Variants in BABAM2 observed in about 807,000 individuals in gnomAD.
BABAM2 encodes BRISC and BRCA1 A complex member 2, also known as BRISC and BRCA1-A complex member 2.
Under a neutral mutation model 54.7 loss-of-function variants are expected in BABAM2, and 31 were observed. The ratio of observed to expected loss-of-function variants is 0.57; its 90% CI spans 0.43 to 0.77. The LOEUF (loss-of-function observed/expected upper bound fraction) is 0.77. BABAM2 is among the 30% of genes least tolerant of loss of function. The pLI, the probability that BABAM2 is intolerant of heterozygous loss-of-function variation, is 0.00. For synonymous variants in BABAM2, 167 were observed against 162.9 expected (o/e 1.03, Z -0.19); for missense variants, 364 against 455.8 (o/e 0.80, Z 1.83).
chr2:28,211,415 T>C lies in BABAM2; in HGVS notation c.681-25787T>C, dbSNP rs183375081. The stretch of plus-strand genomic sequence containing the variant: ...TTTTTTTTTTTTTTTGAGAAAGAGT[T>C]TCGCTCTTGTTGCCCAGGCTGGAGT... On this transcript the variant is annotated intron_variant, in intron 7 of 11. Coordinates refer to ENST00000379624, the MANE Select transcript of BABAM2 (RefSeq NM_199191.3). Among the ~76,000 whole-genome samples, 604 of 71,426 alleles carry C rather than the reference T, an allele frequency of 8.5e-3. 8 individuals are homozygous for C. The highest frequency in any genetic ancestry group is 0.024 in the African/African-American group (565 of 23,560). 46.9% of individuals were successfully genotyped at this position (71,426 alleles called of 152,430 possible).
intron 6 of BABAM2, among the ~76,000 whole-genome samples, chr2:28,110,780 C>T (rs1016948775): frequency 2.0e-5 from 3 of 151,946 alleles, no homozygotes; most frequent in Admixed American, 6.6e-5. Context: ...GAGAAACTGC[C>T]GTACTGTTTT....
chr2:28,282,583 G>T (rs929370985), intron 10 of BABAM2, among the ~76,000 whole-genome samples: 17 of 152,178 alleles, frequency 1.1e-4, no homozygotes, highest in Admixed American at 5.2e-4. Flanking sequence ...AAGTTCTCTG[G>T]CTTGCCCAAA....
chr2:27,919,638 T>G (rs775187578), intron 2 of BABAM2, among the ~76,000 whole-genome samples: 19 of 152,184 alleles, frequency 1.2e-4, no homozygotes, highest in Non-Finnish European at 1.9e-4. Context: ...CAGAGTTAAT[T>G]AAATGCACAT....
chr2:28,093,682 AT>A (rs1484444276), intron 6 of BABAM2, among the ~76,000 whole-genome samples: 1 of 152,196 alleles, frequency 6.6e-6, no homozygotes, highest in Non-Finnish European at 1.5e-5. Flanking sequence ...TAATTATTCC[AT>A]TGTTTGTTCA....
At chr2:28,096,630 G>C (rs1666650324) in intron 6 of BABAM2, among the ~76,000 whole-genome samples, 1 of 151,968 alleles carries the variant, frequency 6.6e-6, no homozygotes, top group Admixed American at 6.6e-5. Flanking sequence ...CAGTAGTATA[G>C]AACATTCCAT....
At chr2:27,964,125 G>A (rs997784429) in intron 3 of BABAM2, among the ~76,000 whole-genome samples, 5 of 152,154 alleles carry the variant, frequency 3.3e-5, no homozygotes, top group African/African-American at 1.2e-4. Flanking sequence ...CATGAGAATG[G>A]ATTAGTTCCC....
intron 6 of BABAM2, among the ~76,000 whole-genome samples, chr2:28,090,353 T>C (rs1336243964): frequency 6.6e-6 from 1 of 152,198 alleles, no homozygotes; most frequent in Non-Finnish European, 1.5e-5. Context: ...CAGGTGATTC[T>C]CCTGCCTCAG....
At chr2:28,181,344 TAA>T in intron 7 of BABAM2, among the ~76,000 whole-genome samples, 1 of 152,290 alleles carries the variant, frequency 6.6e-6, no homozygotes, top group Non-Finnish European at 1.5e-5. Context: ...AACTGCAGGT[TAA>T]GTGTTAAGTG....
chr2:28,026,904 A>AT, intron 5 of BABAM2, among the ~76,000 whole-genome samples: 1 of 53,184 alleles, frequency 1.9e-5, no homozygotes, highest in Non-Finnish European at 3.6e-5. Context: ...ATAAATATAT[A>AT]TAAATATATA....
At chr2:28,327,686 C>A (rs1322076221) in intron 11 of BABAM2, among the ~76,000 whole-genome samples, 1 of 152,132 alleles carries the variant, frequency 6.6e-6, no homozygotes, top group Non-Finnish European at 1.5e-5. Flanking sequence ...ATAGCCCAGC[C>A]TGAGGTTGGA....
chr2:27,906,947 T>G (rs1372711594), intron 2 of BABAM2, among the ~76,000 whole-genome samples: 1 of 151,904 alleles, frequency 6.6e-6, no homozygotes, highest in Non-Finnish European at 1.5e-5. Context: ...CAGGTGAGGG[T>G]TTTTTTTAGT....
upstream of BABAM2, chr2:27,890,222 C>G: frequency 1.2e-6 from 2 of 1,602,154 alleles, no homozygotes; most frequent in Non-Finnish European, 1.7e-6. This position sits in a 1 kb window ranked among gnomAD's most constrained non-coding sequence, Gnocchi z 4.8. Context: ...CCTCCTCCCC[C>G]GAGCCGCAGA....
At chr2:27,981,769 A>G (rs1471205984) in intron 3 of BABAM2, among the ~76,000 whole-genome samples, 2 of 152,200 alleles carry the variant, frequency 1.3e-5, no homozygotes, top group African/African-American at 4.8e-5. Context: ...GTTGACGGAC[A>G]TTAGTTGTTT....
At chr2:27,981,246 G>A (rs1020695829) in intron 3 of BABAM2, among the ~76,000 whole-genome samples, 21 of 151,990 alleles carry the variant, frequency 1.4e-4, no homozygotes, top group African/African-American at 5.1e-4. Context: ...ATTTATAAAA[G>A]TAACTGTGTC....
intron 2 of BABAM2, among the ~76,000 whole-genome samples, chr2:27,907,012 A>G (rs1352573843): frequency 6.6e-6 from 1 of 152,156 alleles, no homozygotes; most frequent in East Asian, 1.9e-4. Flanking sequence ...TTATTCTTAT[A>G]CCATCACTCA....
At chr2:28,119,453 G>T (rs901503614) in intron 6 of BABAM2, among the ~76,000 whole-genome samples, 1 of 152,160 alleles carries the variant, frequency 6.6e-6, no homozygotes, top group African/African-American at 2.4e-5. Flanking sequence ...ATTAATGTGT[G>T]ACTATTCAAA....
intron 7 of BABAM2, among the ~76,000 whole-genome samples, chr2:28,206,057 C>G (rs1320557217): frequency 6.6e-6 from 1 of 152,026 alleles, no homozygotes; most frequent in Admixed American, 6.6e-5. Context: ...GGAGGGGTTT[C>G]CAGGTAAAGG....
chr2:28,038,834 A>G (rs1337312563), intron 5 of BABAM2, among the ~76,000 whole-genome samples: 1 of 152,328 alleles, frequency 6.6e-6, no homozygotes, highest in African/African-American at 2.4e-5. Flanking sequence ...GAACAGTGCT[A>G]TAATAAACAT....
intron 7 of BABAM2, among the ~76,000 whole-genome samples, chr2:28,205,326 C>G (rs888266063): frequency 8.6e-5 from 13 of 151,802 alleles, no homozygotes; most frequent in African/African-American, 3.1e-4. Flanking sequence ...ATGGTAAAAC[C>G]CCGTCTCTAC....
Sources: gnomAD v4.1 joint callset for allele counts (sites outside exome capture counted in the v4.1 genomes callset) on GRCh38, gnomAD v4.1.1 for gene constraint, Gnocchi (gnomAD v3.1) non-coding constraint, MANE v1.5 for transcripts, NCBI Gene and HGNC (gene_info 2026-07-23, HGNC 2026-07-21) for gene names.